The following CLDN10 variants were observed in gnomAD, a reference collection of about 807,000 sequenced individuals.
CLDN10 encodes the protein claudin-10.
In CLDN10, 15 loss-of-function variants were observed where a neutral mutation model predicts 22.9. The observed-to-expected ratio is 0.65, with a 90% confidence interval of 0.44 to 1.01. CLDN10 has a LOEUF of 1.01. Among genes scored for constraint, CLDN10 ranks in the 50% least tolerant of loss-of-function variants. The pLI is 0.00. For missense variants in CLDN10, 247 were observed against 287.8 expected (o/e 0.86, Z 1.03); for synonymous variants, 114 against 111.4 (o/e 1.02, Z -0.15).
intron 1 of CLDN10, among the ~76,000 whole-genome samples, chr13:95,533,544 G>T (rs557074499): frequency 6.6e-6 from 1 of 152,164 alleles, no homozygotes; most frequent in East Asian, 1.9e-4. Context: ...AATAAATCAC[G>T]CTGGTATCTT....
At chr13:95,545,192 G>A (rs2043495795) in intron 1 of CLDN10, among the ~76,000 whole-genome samples, 1 of 151,988 alleles carries the variant, frequency 6.6e-6, no homozygotes, top group South Asian at 2.1e-4. Flanking sequence ...CATGCAAAAT[G>A]TTATTCCAAT....
At chr13:95,538,761 G>A (rs1288820874) in intron 1 of CLDN10, among the ~76,000 whole-genome samples, 2 of 152,062 alleles carry the variant, frequency 1.3e-5, no homozygotes, top group African/African-American at 2.4e-5. Flanking sequence ...AGCCAACACC[G>A]TTGTCCTGCT....
chr13:95,507,382 G>A (rs991826506), intron 1 of CLDN10, among the ~76,000 whole-genome samples: 6 of 152,092 alleles, frequency 3.9e-5, no homozygotes, highest in South Asian at 2.1e-4. Context: ...CACTAAGAAG[G>A]CATGACTTCA....
chr13:95,472,186 T>A (rs2042640060), intron 1 of CLDN10, among the ~76,000 whole-genome samples: 1 of 152,068 alleles, frequency 6.6e-6, no homozygotes, highest in Admixed American at 6.6e-5. Flanking sequence ...CTGAGCACAC[T>A]CTAGAAGCAG....
chr13:95,488,230 G>A (rs748965388), intron 1 of CLDN10, among the ~76,000 whole-genome samples: 1 of 141,408 alleles, frequency 7.1e-6, no homozygotes, highest in Non-Finnish European at 1.5e-5. Context: ...GTGACAGAGT[G>A]AGACCCCATC....
At chr13:95,530,229 C>A (rs912993888) in intron 1 of CLDN10, among the ~76,000 whole-genome samples, 2 of 152,122 alleles carry the variant, frequency 1.3e-5, no homozygotes, top group African/African-American at 4.8e-5. Context: ...TTATTTAAAT[C>A]CATCTCACAG....
chr13:95,479,436 T>C (rs1271561519), intron 1 of CLDN10: 1 of 152,162 alleles, frequency 6.6e-6, no homozygotes, highest in Non-Finnish European at 1.5e-5. Flanking sequence ...ATGACAAGCC[T>C]GAAGGTATTA....
chr13:95,519,979 A>G (rs1377260748), intron 1 of CLDN10, among the ~76,000 whole-genome samples: 3 of 151,470 alleles, frequency 2.0e-5, no homozygotes, highest in Non-Finnish European at 4.4e-5. Flanking sequence ...TCATGCAATC[A>G]AAACTTTCTG....
chr13:95,464,520 G>A (rs1426836492), intron 1 of CLDN10, among the ~76,000 whole-genome samples: 2 of 152,074 alleles, frequency 1.3e-5, no homozygotes, highest in East Asian at 3.9e-4. Flanking sequence ...ATTTGGGTTG[G>A]TTCCAAGTCT....
chr13:95,542,986 C>G (rs1326470999), intron 1 of CLDN10, among the ~76,000 whole-genome samples: 1 of 151,030 alleles, frequency 6.6e-6, no homozygotes, highest in African/African-American at 2.4e-5. Flanking sequence ...AATCCCAGCA[C>G]TTTGGGAGGC....
At chr13:95,515,449 G>A (rs554552490) in intron 1 of CLDN10, among the ~76,000 whole-genome samples, 169 of 151,900 alleles carry the variant, frequency 1.1e-3, no homozygotes, top group Non-Finnish European at 2.1e-3. Context: ...ATCTGCCTGC[G>A]TTGGCCTTAA....
intron 1 of CLDN10, among the ~76,000 whole-genome samples, chr13:95,495,415 TTTTA>T (rs2042918390): frequency 6.6e-6 from 1 of 151,892 alleles, no homozygotes; most frequent in Non-Finnish European, 1.5e-5. Flanking sequence ...CAACTGAGCC[TTTTA>T]TTTGAGTCCA....
At chr13:95,544,397 C>G (rs1029382810) in intron 1 of CLDN10, among the ~76,000 whole-genome samples, 2 of 152,156 alleles carry the variant, frequency 1.3e-5, no homozygotes, top group South Asian at 4.1e-4. Context: ...CGGTGGGAGG[C>G]AGCTGACATA....
At chr13:95,566,752 T>C (rs2043792669) in intron 3 of CLDN10, among the ~76,000 whole-genome samples, 2 of 152,258 alleles carry the variant, frequency 1.3e-5, no homozygotes, top group Admixed American at 1.3e-4. Context: ...TTTATGGTTT[T>C]ATGTCTTACA....
intron 1 of CLDN10, among the ~76,000 whole-genome samples, chr13:95,494,519 T>C (rs552587899): frequency 6.6e-6 from 1 of 152,356 alleles, no homozygotes; most frequent in East Asian, 1.9e-4. Context: ...TTCTTGGTGT[T>C]GACGTTTATC....
intron 1 of CLDN10, among the ~76,000 whole-genome samples, chr13:95,505,821 C>G (rs1487778049): frequency 7.8e-6 from 1 of 127,606 alleles, no homozygotes; most frequent in Non-Finnish European, 1.5e-5. Flanking sequence ...ATGGTGCAAT[C>G]TCGGCTCACT....
At chr13:95,446,571 G>A (rs1024567250) in intron 1 of CLDN10, among the ~76,000 whole-genome samples, 2 of 152,272 alleles carry the variant, frequency 1.3e-5, no homozygotes, top group Admixed American at 6.5e-5. Context: ...GTTGGACGCA[G>A]TGGCTCACGC....
chr13:95,510,068 G>A (rs559467790), intron 1 of CLDN10, among the ~76,000 whole-genome samples: 49 of 152,282 alleles, frequency 3.2e-4, no homozygotes, highest in East Asian at 1.4e-3. Context: ...AAATTGCAAC[G>A]GGAAAGCTCT....
intron 1 of CLDN10, among the ~76,000 whole-genome samples, chr13:95,454,679 G>T (rs963202125): frequency 9.2e-5 from 14 of 152,154 alleles, no homozygotes; most frequent in African/African-American, 3.1e-4. Flanking sequence ...AGGGAGGGGT[G>T]TGGGATCCTT....
Sources: gnomAD v4.1 joint callset for allele counts (sites outside exome capture counted in the v4.1 genomes callset) on GRCh38, gnomAD v4.1.1 for gene constraint, MANE v1.5 for transcripts, NCBI Gene and HGNC (gene_info 2026-07-23, HGNC 2026-07-21) for gene names.